The following EHBP1 variants were observed in gnomAD, a reference collection of about 807,000 sequenced individuals.
EHBP1 encodes EH domain-binding protein 1.
A neutral mutation model predicts 144.0 loss-of-function variants in EHBP1; 55 were observed. The ratio of observed to expected loss-of-function variants is 0.38; its 90% CI spans 0.31 to 0.48. The LOEUF is 0.48. Among genes scored for constraint, EHBP1 ranks in the 20% least tolerant of loss-of-function variants. The pLI, the probability that EHBP1 is intolerant of heterozygous loss-of-function variation, is 0.98. For missense variants in EHBP1, 1,200 were observed against 1,364.2 expected (o/e 0.88, Z 1.90); for synonymous variants, 469 against 472.7 (o/e 0.99, Z 0.10).
At chr2:62,674,604 A>G (rs1007510602) in intron 1 of EHBP1, among the ~76,000 whole-genome samples, 8 of 152,204 alleles carry the variant, frequency 5.3e-5, no homozygotes, top group African/African-American at 1.9e-4. Context: ...TATGACCTAT[A>G]AGTTTTCTAT....
chr2:62,869,491 G>A (rs2050295508), intron 9 of EHBP1, among the ~76,000 whole-genome samples: 1 of 152,170 alleles, frequency 6.6e-6, no homozygotes. Context: ...TAAATTGCAA[G>A]ATCATTATAC....
rs138824372 is a variant in EHBP1 at position 63,001,519 on chromosome 2, A to G, written c.3103+4753A>G. 1.1e-4 allele frequency among the ~76,000 whole-genome samples: 17 copies of G among 152,308 alleles called. No individual in the cohort carries two copies. The East Asian group carries it at 3.1e-3, about 28-fold the overall frequency. ...TTTAAAGCAGGGAATAGGGCCCACA[A>G]AAAATAAAAATCAAGATGACAGTAA... On this transcript the variant is annotated intron_variant, in intron 19 of 22. Transcript: ENST00000431489.
chr2:62,980,994 T>A (rs896540321), intron 15 of EHBP1, among the ~76,000 whole-genome samples: 1 of 148,302 alleles, frequency 6.7e-6, no homozygotes, highest in African/African-American at 2.5e-5. Flanking sequence ...TCACTTGAGT[T>A]CAGGAAGTTG....
chr2:62,885,129 C>CAA (rs1317597106), intron 10 of EHBP1, among the ~76,000 whole-genome samples: 3 of 152,146 alleles, frequency 2.0e-5, no homozygotes, highest in Admixed American at 1.3e-4. Flanking sequence ...GCGGAGGTGG[C>CAA]AAAGTGTTCA....
intron 10 of EHBP1, among the ~76,000 whole-genome samples, chr2:62,888,026 T>C (rs1046752425): frequency 3.3e-5 from 5 of 152,176 alleles, no homozygotes; most frequent in Non-Finnish European, 7.4e-5. Flanking sequence ...TTCTAAAACA[T>C]ATTTGGATGT....
intron 1 of EHBP1, among the ~76,000 whole-genome samples, chr2:62,684,937 G>A (rs1288903137): frequency 6.6e-6 from 1 of 152,114 alleles, no homozygotes; most frequent in African/African-American, 2.4e-5. Flanking sequence ...AGTCTGAGAT[G>A]GACTCACTTA....
chr2:63,030,546 G>GGC (rs2061195170), intron 19 of EHBP1, among the ~76,000 whole-genome samples: 1 of 151,624 alleles, frequency 6.6e-6, no homozygotes, highest in Non-Finnish European at 1.5e-5. Context: ...GGAGTGCAGT[G>GGC]GTGCAATCTC....
At chr2:62,684,291 C>T (rs2033643218) in intron 1 of EHBP1, among the ~76,000 whole-genome samples, 1 of 151,426 alleles carries the variant, frequency 6.6e-6, no homozygotes, top group South Asian at 2.1e-4. Context: ...GAGAGGTAGA[C>T]TCCTTTCTGA....
chr2:62,901,095 G>C (rs2053374993), intron 10 of EHBP1, among the ~76,000 whole-genome samples: 1 of 152,074 alleles, frequency 6.6e-6, no homozygotes, highest in Admixed American at 6.6e-5. Flanking sequence ...TTCCTTGATT[G>C]CTTGAAACTA....
chr2:62,850,660 A>G (rs1408149814), intron 7 of EHBP1, among the ~76,000 whole-genome samples: 1 of 152,168 alleles, frequency 6.6e-6, no homozygotes, highest in Admixed American at 6.5e-5. Flanking sequence ...GTGAAACAAG[A>G]CTTTATAAAG....
chr2:62,863,565 CTTA>C (rs1310345151), intron 8 of EHBP1, among the ~76,000 whole-genome samples: 1 of 152,114 alleles, frequency 6.6e-6, no homozygotes, highest in Non-Finnish European at 1.5e-5. Context: ...CTTGAAGATT[CTTA>C]TGTTATTATT....
chr2:62,806,109 A>G (rs2044436758), intron 5 of EHBP1, among the ~76,000 whole-genome samples: 1 of 151,874 alleles, frequency 6.6e-6, no homozygotes, highest in Non-Finnish European at 1.5e-5. Context: ...CCTCCCCAGG[A>G]GCTGGGAGTA....
At position 62,713,253 on chromosome 2, in the gene EHBP1, CTT is replaced by C. The variant is rs36061722; in HGVS notation, c.104+5974_104+5975del. ...AAGACAGGGAGTCAGGTGCTAAACT[CTT>C]TTTTTTTTTTTTTTTGAGACAGAGT... On this transcript the variant is annotated intron_variant, in intron 2 of 22. Coordinates refer to ENST00000431489, the MANE Select transcript of EHBP1 (RefSeq NM_001142616.3). Among the ~76,000 whole-genome samples, 172 of 136,570 alleles carry C rather than the reference CTT, an allele frequency of 1.3e-3. No homozygotes were observed. In the East Asian group the frequency reaches 0.016, roughly 13 times the overall value. The allele number at this position is 136,570 out of a possible 152,430, so 89.6% of individuals were successfully genotyped here.
At chr2:62,760,594 T>C (rs2040690389) in intron 3 of EHBP1, among the ~76,000 whole-genome samples, 1 of 152,232 alleles carries the variant, frequency 6.6e-6, no homozygotes, top group Admixed American at 6.5e-5. Context: ...TATCTGAAGC[T>C]ATCATCTCCT....
chr2:62,837,329 C>A (rs1263630149), intron 7 of EHBP1, among the ~76,000 whole-genome samples: 1 of 143,240 alleles, frequency 7.0e-6, no homozygotes, highest in Non-Finnish European at 1.5e-5. Flanking sequence ...TAAAAGAGCT[C>A]CTGAAGGAAG....
chr2:62,982,712 A>G (rs2059024000), intron 15 of EHBP1, among the ~76,000 whole-genome samples: 2 of 152,180 alleles, frequency 1.3e-5, no homozygotes, highest in Non-Finnish European at 2.9e-5. Flanking sequence ...TGAAGAGCTG[A>G]CATAACAAGG....
At chr2:62,831,810 A>G (rs920030454) in intron 7 of EHBP1, among the ~76,000 whole-genome samples, 1 of 152,120 alleles carries the variant, frequency 6.6e-6, no homozygotes, top group African/African-American at 2.4e-5. Flanking sequence ...ATTGCTCTCA[A>G]TTTCTGAATT....
intron 10 of EHBP1, among the ~76,000 whole-genome samples, chr2:62,878,431 A>T (rs995183659): frequency 6.6e-6 from 1 of 152,226 alleles, no homozygotes; most frequent in Non-Finnish European, 1.5e-5. Flanking sequence ...TTCCAAAAAA[A>T]ATAAGATGAG....
At chr2:63,009,000 A>T (rs1241415601) in intron 19 of EHBP1, among the ~76,000 whole-genome samples, 1 of 151,676 alleles carries the variant, frequency 6.6e-6, no homozygotes, top group Admixed American at 6.6e-5. Context: ...TGAAATGTTA[A>T]CAGAAACAGA....
Sources: allele counts gnomAD v4.1 joint callset (sites outside exome capture counted in the v4.1 genomes callset), GRCh38; gene constraint gnomAD v4.1.1; transcripts MANE v1.5; gene names NCBI Gene and HGNC (gene_info 2026-07-23, HGNC 2026-07-21).